The following GPC5 variants were observed in gnomAD, a reference collection of about 807,000 sequenced individuals.
GPC5 encodes the protein glypican 5, also known as glypican-5.
A neutral mutation model predicts 53.9 loss-of-function variants in GPC5; 47 were observed. The ratio of observed to expected loss-of-function variants is 0.87; its 90% CI spans 0.69 to 1.11. GPC5 has a LOEUF of 1.11. GPC5 is among the 50% of genes most tolerant of loss of function. GPC5 has a pLI of 0.00. For synonymous variants in GPC5, 286 were observed against 263.3 expected, an observed-to-expected ratio of 1.09 and a Z score of -0.84; for missense variants, 748 against 713.1, an observed-to-expected ratio of 1.05 and a Z score of -0.56.
intron 6 of GPC5, among the ~76,000 whole-genome samples, chr13:92,017,325 T>G (rs1050442676): frequency 6.6e-6 from 1 of 152,118 alleles, no homozygotes; most frequent in Non-Finnish European, 1.5e-5. Context: ...GGTTCTTAGG[T>G]AGAGAGAGCT....
intron 5 of GPC5, among the ~76,000 whole-genome samples, chr13:91,858,532 A>T (rs539698879): frequency 6.6e-6 from 1 of 151,998 alleles, no homozygotes; most frequent in Non-Finnish European, 1.5e-5. Flanking sequence ...GTCATGATGA[A>T]TGATCTTTCT....
At chr13:92,569,064 C>T (rs1319630668) in intron 7 of GPC5, among the ~76,000 whole-genome samples, 1 of 137,828 alleles carries the variant, frequency 7.3e-6, no homozygotes, top group Non-Finnish European at 1.6e-5. Flanking sequence ...TCTCCTAATG[C>T]TATCCCTCCC....
chr13:91,672,535 A>C (rs1011613851), intron 2 of GPC5, among the ~76,000 whole-genome samples: 1 of 152,244 alleles, frequency 6.6e-6, no homozygotes, highest in African/African-American at 2.4e-5. Context: ...CCACAATGAC[A>C]TACTATCTCT....
At chr13:92,341,986 T>G (rs1184779597) in intron 7 of GPC5, among the ~76,000 whole-genome samples, 3 of 152,126 alleles carry the variant, frequency 2.0e-5, no homozygotes, top group Admixed American at 6.6e-5. Context: ...AAGCTCATAA[T>G]TTGCCTTACT....
At chr13:92,184,318 A>T (rs2042167981) in intron 7 of GPC5, among the ~76,000 whole-genome samples, 1 of 152,142 alleles carries the variant, frequency 6.6e-6, no homozygotes. Flanking sequence ...AATCTATTTT[A>T]AAAATCTTCT....
In GPC5 at chr13:91,601,965, A is replaced by G. The variant is rs79304164; in HGVS notation, c.326-91222A>G. Among the ~76,000 whole-genome samples, 367 of 152,290 alleles carry G rather than the reference A, an allele frequency of 2.4e-3. 6 individuals are homozygous for G. The highest frequency in any genetic ancestry group is 0.018 in the Admixed American group (270 of 15,290). Reference sequence around the variant, plus strand: ...AGTGCTGGGATAGGGTGGCTGGGAAATGTATTCAGTCTTCAAGCTCTCTTC... The same window carrying G: ...AGTGCTGGGATAGGGTGGCTGGGAAGTGTATTCAGTCTTCAAGCTCTCTTC... On this transcript the variant is annotated intron_variant, in intron 2 of 7. Coordinates refer to ENST00000377067, the MANE Select transcript of GPC5 (RefSeq NM_004466.6).
At chr13:92,185,640 A>C (rs2042178751) in intron 7 of GPC5, among the ~76,000 whole-genome samples, 1 of 152,146 alleles carries the variant, frequency 6.6e-6, no homozygotes, top group South Asian at 2.1e-4. Context: ...TGGTTTTAAT[A>C]ATATAAATTT....
chr13:92,342,810 C>T (rs997951238), intron 7 of GPC5, among the ~76,000 whole-genome samples: 18 of 152,030 alleles, frequency 1.2e-4, no homozygotes, highest in African/African-American at 4.3e-4. Context: ...CTAACAAATC[C>T]AAAAACATAT....
At chr13:92,610,320 CA>C (rs1185501515) in intron 7 of GPC5, among the ~76,000 whole-genome samples, 1 of 152,082 alleles carries the variant, frequency 6.6e-6, no homozygotes, top group African/African-American at 2.4e-5. Context: ...AACAATTTCA[CA>C]AACTTAATGT....
chr13:91,990,177 C>T (rs1420569172), intron 6 of GPC5, among the ~76,000 whole-genome samples: 1 of 152,138 alleles, frequency 6.6e-6, no homozygotes, highest in Non-Finnish European at 1.5e-5. Flanking sequence ...ATTTTCACAA[C>T]AGTTGTACCA....
chr13:92,461,549 G>A (rs12427874), intron 7 of GPC5, among the ~76,000 whole-genome samples: 14 of 152,298 alleles, frequency 9.2e-5, no homozygotes, highest in South Asian at 8.3e-4. Flanking sequence ...GTCCTGCTCC[G>A]TTCCTCAAAT....
intron 6 of GPC5, among the ~76,000 whole-genome samples, chr13:91,953,533 T>C (rs1010821319): frequency 2.0e-5 from 3 of 152,040 alleles, no homozygotes; most frequent in African/African-American, 7.2e-5. Flanking sequence ...AATTAACTTG[T>C]AAAGAATAAA....
chr13:92,243,441 A>G (rs1262658216), intron 7 of GPC5, among the ~76,000 whole-genome samples: 17 of 152,280 alleles, frequency 1.1e-4, no homozygotes, highest in Admixed American at 1.0e-3. Flanking sequence ...GCCTATTGCA[A>G]TAGTCTAGGA....
At chr13:91,786,539 T>C (rs2037882063) in intron 5 of GPC5, among the ~76,000 whole-genome samples, 1 of 152,156 alleles carries the variant, frequency 6.6e-6, no homozygotes, top group African/African-American at 2.4e-5. Context: ...GTTACGTGTT[T>C]AAAAAAACAT....
chr13:92,552,546 C>T (rs1184900434), intron 7 of GPC5, among the ~76,000 whole-genome samples: 1 of 151,820 alleles, frequency 6.6e-6, no homozygotes, highest in Non-Finnish European at 1.5e-5. Context: ...CCAGTGACAT[C>T]AAAATGTTAA....
chr13:91,790,176 T>C (rs574871188), intron 5 of GPC5, among the ~76,000 whole-genome samples: 25 of 152,250 alleles, frequency 1.6e-4, no homozygotes, highest in African/African-American at 5.8e-4. Context: ...GCAGCCATTA[T>C]AACAGGTGTG....
At chr13:91,791,231 C>G (rs1207573162) in intron 5 of GPC5, among the ~76,000 whole-genome samples, 4 of 152,106 alleles carry the variant, frequency 2.6e-5, no homozygotes, top group Non-Finnish European at 5.9e-5. Context: ...GAGCCAAGGG[C>G]CCATCTGAGG....
chr13:92,550,684 G>C (rs777758945), intron 7 of GPC5, among the ~76,000 whole-genome samples: 1 of 151,748 alleles, frequency 6.6e-6, no homozygotes, highest in Non-Finnish European at 1.5e-5. Flanking sequence ...CTCAGTAAAG[G>C]TACACTGAAG....
intron 7 of GPC5, among the ~76,000 whole-genome samples, chr13:92,580,571 T>C (rs1306950890): frequency 3.9e-5 from 6 of 152,274 alleles, no homozygotes; most frequent in Non-Finnish European, 7.4e-5. Context: ...TTCTGCAGGC[T>C]GTACAGGAGG....
Sources: allele counts gnomAD v4.1 joint callset (sites outside exome capture counted in the v4.1 genomes callset), GRCh38; gene constraint gnomAD v4.1.1; transcripts MANE v1.5; gene names NCBI Gene and HGNC (gene_info 2026-07-23, HGNC 2026-07-21).